NLRP14: variants seen among roughly 807,000 people sequenced by gnomAD.
The protein encoded by NLRP14 is NACHT, LRR and PYD domains-containing protein 14.
Under a neutral mutation model 94.7 loss-of-function variants are expected in NLRP14, and 105 were observed. The observed-to-expected ratio is 1.11, with a 90% CI of 0.95 to 1.30. The LOEUF (loss-of-function observed/expected upper bound fraction) is 1.30. Among genes scored for constraint, NLRP14 ranks in the 50% most tolerant of loss-of-function variants. NLRP14 has a pLI of 0.00. For missense variants in NLRP14, 1,362 were observed against 1,254.1 expected (o/e 1.09, Z -1.30); for synonymous variants, 508 against 459.9 (o/e 1.10, Z -1.34).
At chr11:7,039,202 T>G (rs1422419365) in intron 2 of NLRP14, among the ~76,000 whole-genome samples, 1 of 152,162 alleles carries the variant, frequency 6.6e-6, no homozygotes, top group Non-Finnish European at 1.5e-5. Context: ...GGCAACATTT[T>G]GAGGAATCAA....
the NLRP14 span, among the ~76,000 whole-genome samples, chr11:7,079,792 C>G: frequency 6.6e-6 from 1 of 152,182 alleles, no homozygotes; most frequent in Admixed American, 6.5e-5. Flanking sequence ...TTTATTATCT[C>G]TAATGCAGCT....
chr11:7,076,289 G>A (rs1242991636), downstream of NLRP14, among the ~76,000 whole-genome samples: 1 of 152,082 alleles, frequency 6.6e-6, no homozygotes, highest in Non-Finnish European at 1.5e-5. Context: ...TTTAAATAGA[G>A]TCAAGTCAGA....
chr11:7,033,913 G>T (rs772071840), intron 1 of NLRP14, among the ~76,000 whole-genome samples: 6 of 152,178 alleles, frequency 3.9e-5, no homozygotes, highest in Non-Finnish European at 7.3e-5. Flanking sequence ...TATCATGGTG[G>T]CAACATGCCA....
downstream of NLRP14, among the ~76,000 whole-genome samples, chr11:7,075,758 C>T (rs535292257): frequency 6.6e-6 from 1 of 152,310 alleles, no homozygotes; most frequent in East Asian, 1.9e-4. Context: ...AATTAATGAA[C>T]TCATTTTTCT....
chr11:7,046,603 C>T (rs1368939186), intron 4 of NLRP14, 65 bp from the exon 5 acceptor site: 4 of 1,456,150 alleles, frequency 2.7e-6, no homozygotes, highest in Non-Finnish European at 3.9e-6. Flanking sequence ...ATACTATCCT[C>T]TGAGAGTTGG....
chr11:7,089,852 C>T, the NLRP14 span: 3 of 1,612,172 alleles, frequency 1.9e-6, no homozygotes, highest in African/African-American at 2.7e-5. Context: ...GCGATTACGG[C>T]CACTCCAGTG....
At chr11:7,077,200 C>CCCT in the NLRP14 span, among the ~76,000 whole-genome samples, 11 of 152,372 alleles carry the variant, frequency 7.2e-5, no homozygotes, top group South Asian at 4.1e-4. Flanking sequence ...TGTCCCTGAG[C>CCCT]CAGACGCCCT....
chr11:7,066,889 G>A (rs1283355427), intron 10 of NLRP14, among the ~76,000 whole-genome samples: 2 of 152,136 alleles, frequency 1.3e-5, no homozygotes, highest in Non-Finnish European at 2.9e-5. Context: ...TAATGCGTAA[G>A]GAAGGGGTCC....
At chr11:7,046,511 G>A (rs1178421960) in intron 4 of NLRP14, among the ~76,000 whole-genome samples, 157 bp from the exon 5 acceptor site, 11 of 152,164 alleles carry the variant, frequency 7.2e-5, no homozygotes, top group Non-Finnish European at 1.0e-4. Context: ...GTGCCCAGAG[G>A]AAGACTTCCT....
the NLRP14 span, among the ~76,000 whole-genome samples, chr11:7,080,046 G>C: frequency 6.6e-6 from 1 of 152,200 alleles, no homozygotes; most frequent in African/African-American, 2.4e-5. Context: ...GGGGAACACA[G>C]AGAGTAAGGA....
chr11:7,086,098 T>C, the NLRP14 span, among the ~76,000 whole-genome samples: 1 of 152,360 alleles, frequency 6.6e-6, no homozygotes, highest in South Asian at 2.1e-4. Context: ...ATTCTATTCC[T>C]AATTTTTTGA....
chr11:7,034,900 T>C lies in NLRP14; in HGVS notation c.-21-3666T>C, dbSNP rs574561120. On this transcript the variant is annotated intron_variant, in intron 1 of 11. Transcript: ENST00000299481. ...ACCCTGAATTATTTCCTCCCAATTATGGTGTCTCTTCTATAATATATTGAA... is the reference window on the plus strand; with the variant it reads ...ACCCTGAATTATTTCCTCCCAATTACGGTGTCTCTTCTATAATATATTGAA... Among the ~76,000 whole-genome samples, 6 of 152,340 alleles carry C rather than the reference T, an allele frequency of 3.9e-5. No homozygotes were observed. The East Asian group carries it at 1.2e-3, about 29-fold the overall frequency.
At chr11:7,087,411 A>G in the NLRP14 span, among the ~76,000 whole-genome samples, 2 of 152,194 alleles carry the variant, frequency 1.3e-5, no homozygotes, top group African/African-American at 4.8e-5. Flanking sequence ...AGCCCTGCAA[A>G]TAAATGCCCT....
rs36002808 is a variant in NLRP14, at chr11:7,053,469, TTATA to T, written c.2291+3644_2291+3647del. On this transcript the variant is annotated intron_variant, in intron 6 of 11. Coordinates refer to ENST00000299481, the MANE Select transcript of NLRP14 (RefSeq NM_176822.4). ...TTAAATCATATATATATGATTTAAATTATATATATATATATACTTTAAAATATTA... is the reference window on the plus strand; with the variant it reads ...TTAAATCATATATATATGATTTAAATTATATATATATACTTTAAAATATTA... 7.0e-3 allele frequency among the ~76,000 whole-genome samples: 1,025 copies of T among 146,896 alleles called. 6 individuals are homozygous for T. Among genetic ancestry groups the T allele is most frequent in the Non-Finnish European group, 0.012 (803 of 66,884 alleles).
In NLRP14 at chr11:7,058,182, G is replaced by T; in HGVS notation, c.2463-98G>T. On this transcript the variant is annotated intron_variant, in intron 7 of 11. Transcript: ENST00000299481. ...TGTTGAGGTTAATTTTATAGTTGAG[G>T]TATGGGGGTTATAAGTGCCACTGAT... 3.2e-6 allele frequency: 3 copies of T among 952,264 alleles called. No individual in the cohort carries two copies. The South Asian group carries it at 3.9e-5, about 12-fold the overall frequency. 59.0% of individuals were successfully genotyped at this position (952,264 alleles called of 1,614,324 possible).
chr11:7,086,236 C>G, the NLRP14 span, among the ~76,000 whole-genome samples: 45 of 152,284 alleles, frequency 3.0e-4, no homozygotes, highest in African/African-American at 1.1e-3. Context: ...AATAACTATC[C>G]TAATTGATAT....
chr11:7,038,452 G>A (rs1852192265), intron 1 of NLRP14, 114 bp from the exon 2 acceptor site: 1 of 842,542 alleles, frequency 1.2e-6, no homozygotes, highest in African/African-American at 1.7e-5. Context: ...AATACAGTGG[G>A]CTTCTGCAAA....
At chr11:7,086,672 T>C in the NLRP14 span, among the ~76,000 whole-genome samples, 4,706 of 152,242 alleles carry the variant, frequency 0.031, 135 homozygotes, top group East Asian at 0.13. Context: ...CTCCAATTTT[T>C]GCCCAAACTT....
rs191920737 is a variant in NLRP14, at chr11:7,069,301, G to A, written c.2976-985G>A. 2.8e-3 allele frequency among the ~76,000 whole-genome samples: 423 copies of A among 152,240 alleles called. 3 individuals carry two copies. Among genetic ancestry groups the A allele is most frequent in the Non-Finnish European group, 4.9e-3 (336 of 68,002 alleles). On this transcript the variant is annotated intron_variant, in intron 10 of 11. Coordinates refer to ENST00000299481, the MANE Select transcript of NLRP14 (RefSeq NM_176822.4). ...AATGTGATCACTTAACAAAAAAAAAGTTTTGTATGCTCAGCATCTATATAG... is the reference window on the plus strand; with the variant it reads ...AATGTGATCACTTAACAAAAAAAAAATTTTGTATGCTCAGCATCTATATAG...
Sources: gnomAD v4.1 joint callset for allele counts (sites outside exome capture counted in the v4.1 genomes callset) on GRCh38, gnomAD v4.1.1 for gene constraint, MANE v1.5 for transcripts, NCBI Gene and HGNC (gene_info 2026-07-23, HGNC 2026-07-21) for gene names.